MCMBP: variants seen among roughly 807,000 people sequenced by gnomAD.
The protein encoded by MCMBP is minichromosome maintenance complex binding protein, also known as mini-chromosome maintenance complex-binding protein.
In MCMBP, 31 loss-of-function variants were observed where a neutral mutation model predicts 81.3. The observed-to-expected ratio is 0.38, with a 90% CI of 0.29 to 0.51. The LOEUF (loss-of-function observed/expected upper bound fraction) is 0.51. Ranked by LOEUF, MCMBP falls within the 20% of genes least tolerant of loss-of-function variation. MCMBP has a pLI of 0.87. For missense variants in MCMBP, 645 were observed against 772.1 expected (o/e 0.84, Z 1.95); for synonymous variants, 267 against 275.9 (o/e 0.97, Z 0.32).
chr10:119,834,861 C>CAAAA (rs71019725), intron 14 of MCMBP, among the ~76,000 whole-genome samples: 73 of 67,230 alleles, frequency 1.1e-3, no homozygotes, highest in Admixed American at 1.4e-3. Flanking sequence ...GACCCTGTCT[C>CAAAA]AAAAAAAAAA....
intron 10 of MCMBP, among the ~76,000 whole-genome samples, chr10:119,842,155 A>G (rs1852456338): frequency 6.6e-6 from 1 of 152,212 alleles, no homozygotes; most frequent in African/African-American, 2.4e-5. Flanking sequence ...GAACGGTTTC[A>G]TACTGAAACC....
rs1000725075 is a variant in MCMBP, at chr10:119,834,234, C to T, written c.1707+1306G>A. On this transcript the variant is annotated intron_variant, in intron 14 of 15. Transcript: ENST00000369077. ...CCAAAATATGAATTATTCTGCACCT[C>T]CAAGAAGCTCAACAAACTCCATGTA... 2.6e-5 allele frequency among the ~76,000 whole-genome samples: 4 copies of T among 152,122 alleles called. No homozygotes were observed. In the East Asian group the frequency reaches 7.7e-4, roughly 29 times the overall value.
intron 6 of MCMBP, 23 bp from the exon 7 acceptor site, chr10:119,849,599 C>T (rs1852737177): frequency 1.3e-6 from 2 of 1,536,722 alleles, no homozygotes; most frequent in Non-Finnish European, 1.7e-6. Context: ...GATAGCATTG[C>T]ACTTAGTCAT....
At chr10:119,835,944 C>T (rs1852224758) in intron 13 of MCMBP, among the ~76,000 whole-genome samples, 1 of 152,106 alleles carries the variant, frequency 6.6e-6, no homozygotes, top group African/African-American at 2.4e-5. Flanking sequence ...TCAAGTGATC[C>T]TCCCACCTCA....
At chr10:119,843,654 C>T (rs1462674122) in intron 8 of MCMBP, among the ~76,000 whole-genome samples, 2 of 151,908 alleles carry the variant, frequency 1.3e-5, no homozygotes, top group East Asian at 1.9e-4. Flanking sequence ...TTTTCAAGAA[C>T]GGTATTTTTA....
At chr10:119,858,162 T>C (rs1853117918) in intron 4 of MCMBP, 1 of 152,190 alleles carries the variant, frequency 6.6e-6, no homozygotes, top group Non-Finnish European at 1.5e-5. Flanking sequence ...CATAAAAAGC[T>C]GTGTATTAAT....
intron 8 of MCMBP, among the ~76,000 whole-genome samples, chr10:119,847,148 G>A (rs1227522907): frequency 6.6e-6 from 1 of 151,992 alleles, no homozygotes; most frequent in Non-Finnish European, 1.5e-5. Flanking sequence ...GTGCTGAACT[G>A]GAATCAGAAA....
upstream of MCMBP, among the ~76,000 whole-genome samples, chr10:119,873,127 G>C (rs1215091304): frequency 7.2e-5 from 11 of 152,154 alleles, no homozygotes. Flanking sequence ...AGAGGGCAAA[G>C]CGAGTCTGCA....
intron 1 of MCMBP, among the ~76,000 whole-genome samples, chr10:119,870,720 C>T (rs1447569936): frequency 6.6e-6 from 1 of 152,166 alleles, no homozygotes; most frequent in African/African-American, 2.4e-5. Flanking sequence ...CACAAACATA[C>T]TTGTAATGCT....
intron 1 of MCMBP, among the ~76,000 whole-genome samples, chr10:119,864,707 T>C (rs1429501929): frequency 1.4e-5 from 2 of 137,962 alleles, no homozygotes; most frequent in East Asian, 4.4e-4. Context: ...TGCTCTTCAT[T>C]TCTAGTTTCA....
rs140662514 is a variant in MCMBP at position 119,831,628 on chromosome 10, A to C, written c.1797-28T>G. On this transcript the variant is annotated intron_variant, in intron 15 of 15. Transcript: ENST00000369077. ...GGTTTGAAACACAGAAACAAATTTA[A>C]GTCTAGAGCTGGGATAGTAAGTTTT... 1.6e-4 allele frequency: 261 copies of C among 1,605,670 alleles called. 1 individual carries two copies. The East Asian group carries it at 5.2e-3, about 32-fold the overall frequency.
chr10:119,838,802 C>T, intron 11 of MCMBP, 102 bp from the exon 12 acceptor site: 1 of 1,077,480 alleles, frequency 9.3e-7, no homozygotes, highest in Non-Finnish European at 1.3e-6. Flanking sequence ...AAAAAGTGAT[C>T]TTATAAATTT....
chr10:119,833,550 C>T (rs920404551), intron 14 of MCMBP, among the ~76,000 whole-genome samples: 2 of 151,842 alleles, frequency 1.3e-5, no homozygotes, highest in African/African-American at 4.8e-5. Flanking sequence ...TGGTGGTGCA[C>T]ACCTATGGTC....
chr10:119,852,466 G>T (rs1164762637), intron 6 of MCMBP, among the ~76,000 whole-genome samples: 2 of 152,190 alleles, frequency 1.3e-5, no homozygotes, highest in Non-Finnish European at 2.9e-5. Flanking sequence ...CCTGAGCCCA[G>T]GAGTTTGAGA....
In MCMBP at chr10:119,842,573, T is replaced by C. The variant is rs759338264; in HGVS notation, c.1023A>G (p.Glu341=). Residue 341 remains glutamate (E), a synonymous_variant, in exon 10 of 16, where the codon GAA becomes GAG. Coordinates refer to ENST00000369077, the MANE Select transcript of MCMBP (RefSeq NM_001256378.2). ...GAAGTTCTGCTCTGACTGGAGACAA[T>C]TCGGACATGAAACTTGAAACAACTG... The part of the protein sequence containing the change: ...SKTFVSSFMS[E]LSPVRAELLG... 11 of 1,613,274 alleles carry C rather than the reference T, an allele frequency of 6.8e-6. No homozygotes were observed. The East Asian group carries it at 2.5e-4, about 36-fold the overall frequency.
At chr10:119,839,822 A>G (rs1852373267) in intron 11 of MCMBP, among the ~76,000 whole-genome samples, 1 of 152,208 alleles carries the variant, frequency 6.6e-6, no homozygotes, top group African/African-American at 2.4e-5. Context: ...TTATCTGCAA[A>G]GGCTATCGAA....
Position 119,859,079 on chromosome 10 carries a change from C to G in MCMBP, c.247G>C (p.Gly83Arg), listed in dbSNP as rs1339482330. Residue 83 changes from glycine to arginine, a missense_variant, in exon 3 of 16, where the codon GGA becomes CGA. Transcript: ENST00000369077. ...TTTTGGTTAACCGTTTCATAAACTC[C>G]CATGTAAAACTCAGGGTCAAACATA... ...QDMFDPEFYM[G>R]VYETVNQNTK... The G allele has an allele frequency of 4.3e-6, 7 of 1,613,778 alleles. No homozygotes were observed. Among genetic ancestry groups the G allele is most frequent in the Non-Finnish European group, 5.1e-6 (6 of 1,179,862 alleles).
chr10:119,872,437 T>G, intron 1 of MCMBP, 90 bp downstream of exon 1: 1 of 767,556 alleles, frequency 1.3e-6, no homozygotes, highest in East Asian at 5.1e-5. Flanking sequence ...CTCGAGATGG[T>G]ACCGCGTGGG....
At chr10:119,870,574 G>A (rs139333612) in intron 1 of MCMBP, among the ~76,000 whole-genome samples, 30 of 152,296 alleles carry the variant, frequency 2.0e-4, no homozygotes, top group African/African-American at 7.2e-4. Context: ...TCTTGAAGGT[G>A]AAGGATCTTC....
Sources: gnomAD v4.1 joint callset for allele counts (sites outside exome capture counted in the v4.1 genomes callset) on GRCh38, gnomAD v4.1.1 for gene constraint, MANE v1.5 for transcripts, NCBI Gene and HGNC (gene_info 2026-07-23, HGNC 2026-07-21) for gene names.